CCDC178: variants seen among roughly 807,000 people sequenced by gnomAD.
CCDC178 encodes the protein coiled-coil domain-containing protein 178.
In CCDC178, 126 loss-of-function variants were observed where a neutral mutation model predicts 117.4. That is an observed-to-expected ratio of 1.07 (90% confidence interval 0.93 to 1.24). CCDC178 has a LOEUF of 1.24. Ranked by LOEUF, CCDC178 falls within the 50% of genes most tolerant of loss-of-function variation. CCDC178 has a pLI of 0.00. For synonymous variants in CCDC178, 283 were observed against 313.4 expected (o/e 0.90, Z 1.02); for missense variants, 1,030 against 986.9 (o/e 1.04, Z -0.59).
At chr18:33,307,013 A>C (rs1341294942) in intron 11 of CCDC178, among the ~76,000 whole-genome samples, 1 of 152,126 alleles carries the variant, frequency 6.6e-6, no homozygotes. Context: ...AGCCCTGTGG[A>C]CTGTGAGTCA....
intron 12 of CCDC178, among the ~76,000 whole-genome samples, chr18:33,281,332 A>G (rs1194986917): frequency 6.6e-6 from 1 of 151,944 alleles, no homozygotes; most frequent in Non-Finnish European, 1.5e-5. Context: ...TTAAAGACAA[A>G]AACAATTTTT....
chr18:33,013,036 A>G (rs1020356286), intron 21 of CCDC178, among the ~76,000 whole-genome samples: 1 of 152,186 alleles, frequency 6.6e-6, no homozygotes, highest in Admixed American at 6.5e-5. Flanking sequence ...CATAATTTAC[A>G]TAATTAATTT....
chr18:33,083,400 C>A (rs1472871383), intron 21 of CCDC178, among the ~76,000 whole-genome samples: 1 of 152,148 alleles, frequency 6.6e-6, no homozygotes, highest in East Asian at 1.9e-4. Context: ...TCAATTTGTT[C>A]TTCATAGGGA....
chr18:33,164,125 TA>T lies in CCDC178; in HGVS notation c.2238+47770del, dbSNP rs1379644710. ...ATTCTTTTTTTTTTTTTTTTTTTTT[TA>T]AACAGAGTTTCGCTCTTGTTGCCCA... On this transcript the variant is annotated intron_variant, in intron 20 of 22. Coordinates refer to ENST00000383096, the MANE Select transcript of CCDC178 (RefSeq NM_001105528.4). 1.7e-3 allele frequency among the ~76,000 whole-genome samples: 159 copies of T among 93,080 alleles called. 3 individuals carry two copies. In the South Asian group the frequency reaches 0.059, roughly 34 times the overall value. 61.1% of individuals were successfully genotyped at this position (93,080 alleles called of 152,430 possible).
intron 21 of CCDC178, among the ~76,000 whole-genome samples, chr18:33,005,683 T>A (rs913340101): frequency 6.6e-6 from 1 of 152,094 alleles, no homozygotes. Context: ...CTGATTATTA[T>A]GCATTGAGTG....
chr18:33,273,134 T>C (rs1378869615), intron 12 of CCDC178, among the ~76,000 whole-genome samples: 2 of 151,550 alleles, frequency 1.3e-5, no homozygotes, highest in Non-Finnish European at 1.5e-5. Flanking sequence ...AGGATTTGTG[T>C]AGAGAAAGTC....
At chr18:33,193,123 C>CGTG (rs2058881856) in intron 20 of CCDC178, among the ~76,000 whole-genome samples, 1 of 150,550 alleles carries the variant, frequency 6.6e-6, no homozygotes, top group South Asian at 2.1e-4. Flanking sequence ...ATTAGCCGGG[C>CGTG]GTGGTGGCAG....
chr18:33,156,641 C>CAAAAAAAAAAAAAAAAAA (rs35712594), intron 20 of CCDC178, among the ~76,000 whole-genome samples: 1 of 99,272 alleles, frequency 1.0e-5, no homozygotes, highest in Non-Finnish European at 1.9e-5. Flanking sequence ...TCCTCCCTCT[C>CAAAAAAAAAAAAAAAAAA]AAAAAAAAAA....
chr18:33,296,363 T>C (rs2062105802), intron 11 of CCDC178, among the ~76,000 whole-genome samples: 2 of 151,940 alleles, frequency 1.3e-5, no homozygotes, highest in Admixed American at 1.3e-4. Context: ...ACTGAATCTA[T>C]ACGAGATAAA....
intron 20 of CCDC178, among the ~76,000 whole-genome samples, chr18:33,179,896 T>C (rs1474242917): frequency 6.6e-6 from 1 of 152,032 alleles, no homozygotes; most frequent in East Asian, 1.9e-4. Flanking sequence ...AGATTTCTTT[T>C]TTTAAAATTT....
chr18:33,275,492 T>C lies in CCDC178; in HGVS notation c.1177-8195A>G, dbSNP rs1439777467. On this transcript the variant is annotated intron_variant, in intron 12 of 22. Coordinates refer to ENST00000383096, the MANE Select transcript of CCDC178 (RefSeq NM_001105528.4). ...ATAATTGAATACATTGTCATTGAGG[T>C]TCATTTTCCTTCTAATGGGCTTTCT... is the stretch of plus-strand genomic sequence containing the variant. 2.0e-5 allele frequency among the ~76,000 whole-genome samples: 3 copies of C among 151,162 alleles called. No individual in the cohort carries two copies. The East Asian group carries it at 5.9e-4, about 30-fold the overall frequency.
chr18:33,046,121 C>G (rs181622837), intron 21 of CCDC178, among the ~76,000 whole-genome samples: 1 of 152,066 alleles, frequency 6.6e-6, no homozygotes, highest in Non-Finnish European at 1.5e-5. Flanking sequence ...TTAGCCTTTA[C>G]GAACATGAAA....
At chr18:33,359,377 A>G (rs906183951) in intron 6 of CCDC178, among the ~76,000 whole-genome samples, 12 of 151,914 alleles carry the variant, frequency 7.9e-5, no homozygotes, top group African/African-American at 2.9e-4. Context: ...TAACAAAGAA[A>G]TAATTAAAAA....
intron 12 of CCDC178, among the ~76,000 whole-genome samples, chr18:33,272,884 G>C (rs932792652): frequency 1.3e-5 from 2 of 150,956 alleles, no homozygotes; most frequent in African/African-American, 2.4e-5. Context: ...TAACAATAAA[G>C]GGAAATTTTC....
chr18:33,298,558 T>C (rs186528081), intron 11 of CCDC178, among the ~76,000 whole-genome samples: 13 of 152,310 alleles, frequency 8.5e-5, no homozygotes, highest in African/African-American at 2.9e-4. Flanking sequence ...GTTTTTTCTA[T>C]AAGATCTAGA....
intron 11 of CCDC178, among the ~76,000 whole-genome samples, chr18:33,294,388 A>G (rs1429182383): frequency 6.6e-6 from 1 of 152,198 alleles, no homozygotes; most frequent in Non-Finnish European, 1.5e-5. Flanking sequence ...ACATAAGAGT[A>G]AAACGTTTAT....
chr18:33,302,725 T>C (rs1485428435), intron 11 of CCDC178, among the ~76,000 whole-genome samples: 1 of 152,166 alleles, frequency 6.6e-6, no homozygotes, highest in Admixed American at 6.6e-5. Context: ...GTGGAACTGG[T>C]GAATATTACG....
intron 21 of CCDC178, among the ~76,000 whole-genome samples, chr18:32,978,482 C>A (rs955314443): frequency 6.6e-6 from 1 of 151,906 alleles, no homozygotes; most frequent in Non-Finnish European, 1.5e-5. Flanking sequence ...ATGAAAAAAA[C>A]CCATTTTAAG....
At chr18:32,998,115 C>T (rs541128578) in intron 21 of CCDC178, among the ~76,000 whole-genome samples, 1 of 152,354 alleles carries the variant, frequency 6.6e-6, no homozygotes, top group Admixed American at 6.5e-5. Context: ...CACCACCCCT[C>T]CACTATCCTC....
Sources: allele counts gnomAD v4.1 joint callset (sites outside exome capture counted in the v4.1 genomes callset), GRCh38; gene constraint gnomAD v4.1.1; transcripts MANE v1.5; gene names NCBI Gene and HGNC (gene_info 2026-07-23, HGNC 2026-07-21).